TELO2: variants seen among roughly 807,000 people sequenced by gnomAD.
The protein encoded by TELO2 is telomere length regulation protein TEL2 homolog.
TELO2 carries 71 observed loss-of-function variants against 91.0 expected under a neutral mutation model. That is an observed-to-expected ratio of 0.78 (90% CI 0.64 to 0.95). TELO2 has a LOEUF of 0.95. TELO2 is among the 40% of genes least tolerant of loss of function. TELO2 has a pLI of 0.00. For synonymous variants in TELO2, 584 were observed against 518.9 expected, an observed-to-expected ratio of 1.13 and a Z score of -1.71; for missense variants, 1,183 against 1,141.3, an observed-to-expected ratio of 1.04 and a Z score of -0.53.
Position 1,500,559 on chromosome 16 carries a change from G to A in TELO2, c.1145-4G>A. 6.2e-7 allele frequency: 1 copy of A among 1,611,674 alleles called. No homozygotes were observed. Among genetic ancestry groups the A allele is most frequent in the Non-Finnish European group, 8.5e-7 (1 of 1,179,518 alleles). On this transcript the variant is annotated splice_polypyrimidine_tract_variant and splice_region_variant and intron_variant, in intron 8 of 20. Coordinates refer to ENST00000262319, the MANE Select transcript of TELO2 (RefSeq NM_016111.4). ...TGCTCAGGGGGCCTGTCCGGTGCTTGCAGAACTGCTGGCCAGCATGATGGC... is the reference window on the plus strand; with the variant it reads ...TGCTCAGGGGGCCTGTCCGGTGCTTACAGAACTGCTGGCCAGCATGATGGC...
Position 1,509,027 on chromosome 16 carries a change from GAGGA to G in TELO2, c.2408-802_2408-799del, listed in dbSNP as rs201003934. Among the ~76,000 whole-genome samples, 47 of 150,982 alleles carry G rather than the reference GAGGA, an allele frequency of 3.1e-4. No individual in the cohort carries two copies. In the East Asian group the frequency reaches 9.3e-3, roughly 30 times the overall value. On this transcript the variant is annotated intron_variant, in intron 20 of 20. Coordinates refer to ENST00000262319, the MANE Select transcript of TELO2 (RefSeq NM_016111.4). The stretch of plus-strand genomic sequence containing the variant: ...TGTCGCCCACTCGCCCTGCCTGGAG[GAGGA>G]GAGGTTCCCCTTTGGCCAGTGGAGC...
In TELO2 at chr16:1,495,453, G is replaced by T. The variant is rs557890967; in HGVS notation, c.443G>T (p.Gly148Val). 437 of 1,607,780 alleles carry T rather than the reference G, an allele frequency of 2.7e-4. 5 individuals are homozygous for T. The South Asian group carries it at 4.5e-3, about 16-fold the overall frequency. ...EAQCRQQTQPGFILLRETLLG... is the reference protein window; with the variant it reads ...EAQCRQQTQPVFILLRETLLG... The stretch of plus-strand genomic sequence containing the variant: ...CAGTGTCGGCAGCAGACGCAGCCCG[G>T]CTTCATCCTGCTCCGGGAGACGCTG... Residue 148 changes from glycine (G) to valine (V), a missense_variant, in exon 3 of 21, where the codon GGC (glycine) becomes GTC (valine). Transcript: ENST00000262319.
rs534716855 is a variant in TELO2 at position 1,497,798 on chromosome 16, G to A, written c.830+290G>A. ...CCGTCCTGCGCCTGTGGTCCCCCTC[G>A]CACACGTGTGCACCATGTCCAGGCT... On this transcript the variant is annotated intron_variant, in intron 5 of 20. Coordinates refer to ENST00000262319, the MANE Select transcript of TELO2 (RefSeq NM_016111.4). The surrounding 1 kb of genome is among the most constrained non-coding windows in gnomAD (Gnocchi z 4.0). 6.6e-6 allele frequency among the ~76,000 whole-genome samples: 1 copy of A among 152,210 alleles called. No individual in the cohort carries two copies. The highest frequency in any genetic ancestry group is 2.1e-4 in the South Asian group (1 of 4,820).
In TELO2 at chr16:1,501,727, G is replaced by A. The variant is rs374282266; in HGVS notation, c.1426G>A (p.Gly476Ser). Residue 476 changes from glycine (G) to serine (S), a missense_variant, in exon 11 of 21, where the codon GGC (glycine) becomes AGC (serine). By Grantham distance (56) the Gly-to-Ser change is moderately conservative. Transcript: ENST00000262319. ...AETPAEIVDG[G>S]VPQAQLAGSD... is the part of the protein sequence containing the mutation. ...GACCCCCGCAGAGATCGTGGATGGC[G>A]GCGTCCCCCAAGCACAGCTGGCGGG... is the stretch of plus-strand genomic sequence containing the variant. The A allele has an allele frequency of 1.4e-5, 23 of 1,612,098 alleles. No individual in the cohort carries two copies. The East Asian group carries it at 2.0e-4, about 14-fold the overall frequency.
rs574663581 is a variant in TELO2, at chr16:1,501,518, C to T, written c.1361+19C>T. On this transcript the variant is annotated intron_variant, in intron 10 of 20. Transcript: ENST00000262319. ...AGGCGGGGTGAGGGTCTCTGCCCCC[C>T]GGGACCCCACCGCGTGCACATCTTA... The T allele has an allele frequency of 1.8e-4, 295 of 1,597,692 alleles. 2 individuals carry two copies. The South Asian group carries it at 2.7e-3, about 15-fold the overall frequency.
chr16:1,494,195 TTG>T lies in TELO2; in HGVS notation c.-36-46_-36-45del. 1 of 1,336,864 alleles carries T rather than the reference TTG, an allele frequency of 7.5e-7. No homozygotes were observed. Among genetic ancestry groups the T allele is most frequent in the Non-Finnish European group, 1.0e-6 (1 of 967,200 alleles). 82.8% of individuals were successfully genotyped at this position (1,336,864 alleles called of 1,614,324 possible). ...GCGCTCACCGAGGGGCTTCCTGAGC[TTG>T]TGTGGATTATTTCCGTGCCCCAAGC... On this transcript the variant is annotated intron_variant, in intron 1 of 20. Coordinates refer to ENST00000262319, the MANE Select transcript of TELO2 (RefSeq NM_016111.4). This position sits in a 1 kb window ranked among gnomAD's most constrained non-coding sequence, Gnocchi z 5.6.
chr16:1,509,609 C>T (rs968794898), intron 20 of TELO2, among the ~76,000 whole-genome samples: 1 of 152,268 alleles, frequency 6.6e-6, no homozygotes, highest in Non-Finnish European at 1.5e-5. Context: ...CTGCCTGTCC[C>T]GCGGCTCAGG....
chr16:1,502,200 G>C (rs1048788743), intron 12 of TELO2, 65 bp downstream of exon 12: 1 of 1,595,700 alleles, frequency 6.3e-7, no homozygotes, highest in African/African-American at 1.3e-5. Flanking sequence ...GCCTGGTTCT[G>C]CCTCAAGGGG....
In TELO2 at chr16:1,500,092, GC is replaced by G. The variant is rs772775341; in HGVS notation, c.934-3del. ...CAGTGGACAGGCATGTGCTTTTATT[GC>G]AGACGCCCATGCTGCAGAGCCTGCT... On this transcript the variant is annotated splice_region_variant and splice_polypyrimidine_tract_variant and intron_variant, in intron 6 of 20. Transcript: ENST00000262319. 6.2e-7 allele frequency: 1 copy of G among 1,608,490 alleles called. No homozygotes were observed. The highest frequency in any genetic ancestry group is 1.7e-5 in the Admixed American group (1 of 59,892).
rs1389778348 is a variant in TELO2 at position 1,497,494 on chromosome 16, G to A, written c.816G>A (p.Val272=). Residue 272 remains valine, a synonymous_variant, in exon 5 of 21, where the codon GTG becomes GTA. Coordinates refer to ENST00000262319, the MANE Select transcript of TELO2 (RefSeq NM_016111.4). This position sits in a 1 kb window ranked among gnomAD's most constrained non-coding sequence, Gnocchi z 4.0. The part of the protein sequence containing the change: ...RAMEAVLTGL[V]EAALGPEVLS... ...TGGAGGCTGTGCTGACCGGGCTGGT[G>A]GAGGCCGCACTGGGGTAAGCAGCCA... 2.5e-6 allele frequency: 4 copies of A among 1,569,646 alleles called. No homozygotes were observed. Among genetic ancestry groups the A allele is most frequent in the Non-Finnish European group, 3.4e-6 (4 of 1,161,028 alleles).
At position 1,497,376 on chromosome 16, in the gene TELO2, TGCTGGTACCCCG is replaced by T; in HGVS notation, c.704_715del (p.Val235_Leu238del). 1.9e-6 allele frequency: 3 copies of T among 1,548,324 alleles called. No individual in the cohort carries two copies. Among genetic ancestry groups the T allele is most frequent in the Non-Finnish European group, 2.6e-6 (3 of 1,146,092 alleles). ...GTCCCCTCAGAGGAGATCCTGGGCG[TGCTGGTACCCCG>T]GCTGGCAGCGCTCACCCAGGGCAGC... On this transcript the variant is annotated inframe_deletion, in exon 5 of 21. Coordinates refer to ENST00000262319, the MANE Select transcript of TELO2 (RefSeq NM_016111.4). The surrounding 1 kb of genome is among the most constrained non-coding windows in gnomAD (Gnocchi z 4.0).
At position 1,494,907 on chromosome 16, in the gene TELO2, C is replaced by T. The variant is rs988457297; in HGVS notation, c.335+291C>T. ...GCAGAGGCAGCCCGTCAGCTGGGGA[C>T]GTTCCAGGTTTTCCAGGGAAGCACA... On this transcript the variant is annotated intron_variant, in intron 2 of 20. Coordinates refer to ENST00000262319, the MANE Select transcript of TELO2 (RefSeq NM_016111.4). The surrounding 1 kb of genome is among the most constrained non-coding windows in gnomAD (Gnocchi z 5.6). Among the ~76,000 whole-genome samples, 3 of 152,176 alleles carry T rather than the reference C, an allele frequency of 2.0e-5. No individual in the cohort carries two copies. Among genetic ancestry groups the T allele is most frequent in the Non-Finnish European group, 2.9e-5 (2 of 68,036 alleles).
In TELO2 at chr16:1,494,338, C is replaced by T; in HGVS notation, c.57C>T (p.Leu19=). 6.2e-7 allele frequency: 1 copy of T among 1,613,714 alleles called. No homozygotes were observed. The highest frequency in any genetic ancestry group is 8.5e-7 in the Non-Finnish European group (1 of 1,180,024). ...RLAVREAIHA[L]SSSEDGGHIF... ...CCGTCCGGGAAGCCATTCATGCCCT[C>T]TCGTCTTCGGAGGATGGCGGCCACA... The change falls in exon 2 of 21, where the codon CTC becomes CTT. Residue 19 remains leucine, a synonymous_variant. Transcript: ENST00000262319. This position sits in a 1 kb window ranked among gnomAD's most constrained non-coding sequence, Gnocchi z 5.6.
Position 1,502,918 on chromosome 16 carries a change from CCT to C in TELO2, c.1771-12_1771-11del, listed in dbSNP as rs745697675. 4.3e-6 allele frequency: 7 copies of C among 1,610,336 alleles called. No individual in the cohort carries two copies. The South Asian group carries it at 4.4e-5, about 10-fold the overall frequency. ...GGTCCCGGACCACAGCAGCCTCTCCCCTGTGTCCTCAGGTGGCCGACTATCTG... is the reference window on the plus strand; with the variant it reads ...GGTCCCGGACCACAGCAGCCTCTCCCGTGTCCTCAGGTGGCCGACTATCTG... On this transcript the variant is annotated splice_polypyrimidine_tract_variant and intron_variant, in intron 14 of 20. Transcript: ENST00000262319.
intron 20 of TELO2, among the ~76,000 whole-genome samples, chr16:1,508,761 G>A (rs2040002120): frequency 6.6e-6 from 1 of 152,210 alleles, no homozygotes; most frequent in South Asian, 2.1e-4. Context: ...CGAGTCCCCG[G>A]GGACGGGCTG....
At position 1,502,633 on chromosome 16, in the gene TELO2, C is replaced by G; in HGVS notation, c.1654-12C>G. Reference sequence around the variant, plus strand: ...GTCCGACAGGTTTCCCAGCCCTAACCCCTGCGTGCAGGTGAGCGTGGAGCT... The same window carrying G: ...GTCCGACAGGTTTCCCAGCCCTAACGCCTGCGTGCAGGTGAGCGTGGAGCT... On this transcript the variant is annotated splice_polypyrimidine_tract_variant and intron_variant, in intron 13 of 20. Transcript: ENST00000262319. The G allele has an allele frequency of 6.2e-7, 1 of 1,609,582 alleles. No homozygotes were observed. Among genetic ancestry groups the G allele is most frequent in the South Asian group, 1.1e-5 (1 of 91,026 alleles).
intron 19 of TELO2, 67 bp from the exon 20 acceptor site, chr16:1,507,534 A>C: frequency 6.7e-7 from 1 of 1,498,392 alleles, no homozygotes; most frequent in East Asian, 2.4e-5. Context: ...GGTCTGCCAC[A>C]CTGAGGGGAG....
intron 6 of TELO2, 126 bp from the exon 7 acceptor site, chr16:1,499,970 C>T (rs2039617733): frequency 8.7e-7 from 1 of 1,149,968 alleles, no homozygotes; most frequent in Non-Finnish European, 1.2e-6. Context: ...CAGTGGCCGC[C>T]CCCATGCTTG....
chr16:1,508,785 G>A (rs556463212), intron 20 of TELO2, among the ~76,000 whole-genome samples: 5 of 152,330 alleles, frequency 3.3e-5, no homozygotes, highest in South Asian at 2.1e-4. Flanking sequence ...AGCAGGGCAC[G>A]GTACCGATGG....
Sources: gnomAD v4.1 joint callset for allele counts (sites outside exome capture counted in the v4.1 genomes callset) on GRCh38, gnomAD v4.1.1 for gene constraint, Gnocchi (gnomAD v3.1) non-coding constraint, MANE v1.5 for transcripts, NCBI Gene and HGNC (gene_info 2026-07-23, HGNC 2026-07-21) for gene names.